MGAT4D: variants seen among roughly 807,000 people sequenced by gnomAD.
MGAT4D encodes the protein MGAT4 family member D, also known as alpha-1,3-mannosyl-glycoprotein 4-beta-N-acetylglucosaminyltransferase-like protein MGAT4D.
A neutral mutation model predicts 15.9 loss-of-function variants in MGAT4D; 34 were observed. That is an observed-to-expected ratio of 2.14 (90% CI 1.62 to 2.84). The LOEUF is 2.84. MGAT4D is among the 30% of genes most tolerant of loss of function. The pLI is 0.00. For missense variants in MGAT4D, 327 were observed against 140.2 expected, an observed-to-expected ratio of 2.33 and a Z score of -6.73; for synonymous variants, 112 against 48.2, an observed-to-expected ratio of 2.33 and a Z score of -5.49.
At chr4:140,466,261 A>G (rs529660224) in intron 5 of MGAT4D, among the ~76,000 whole-genome samples, 34 of 152,222 alleles carry the variant, frequency 2.2e-4, no homozygotes, top group Non-Finnish European at 4.4e-4. Context: ...AGATGCAACA[A>G]AGGGAACTTA....
At position 140,459,590 on chromosome 4, in the gene MGAT4D, T is replaced by A; in HGVS notation, c.799A>T (p.Thr267Ser). The A allele has an allele frequency of 1.9e-6, 1 of 530,258 alleles. No individual in the cohort carries two copies. The highest frequency in any genetic ancestry group is 2.7e-4 in the Middle Eastern group (1 of 3,666). The allele number at this position is 530,258 out of a possible 1,614,324, so 32.8% of individuals were successfully genotyped here. ...TTACCTACAAAATCTGTTATTTTTG[T>A]AAAGTACATCTCTTTAGCTATGATA... The part of the protein sequence containing the change: ...DDIIAKEMYF[T>S]KITDFVGNIS... Residue 267 changes from threonine (T) to serine (S), a missense_variant, in exon 8 of 11, where the codon ACA becomes TCA. Thr to Ser is a moderately conservative substitution (Grantham distance 58, BLOSUM62 1). Transcript: ENST00000511113.
chr4:140,477,130 G>C (rs1270751065), intron 3 of MGAT4D, among the ~76,000 whole-genome samples: 1 of 152,062 alleles, frequency 6.6e-6, no homozygotes, highest in Non-Finnish European at 1.5e-5. Context: ...TCTGACTTTT[G>C]CATGTTTCTT....
In MGAT4D at chr4:140,482,469, GTTAA is replaced by G. The variant is rs1199437516; in HGVS notation, c.107_110del (p.Ile36ThrfsTer16). 7.9e-6 allele frequency: 5 copies of G among 629,630 alleles called. No homozygotes were observed. Among genetic ancestry groups the G allele is most frequent in the African/African-American group, 5.7e-5 (3 of 52,732 alleles). The allele number at this position is 629,630 out of a possible 1,614,324, so 39.0% of individuals were successfully genotyped here. A position where few individuals can be genotyped will look rare whatever the true frequency, so the allele number is the denominator to read the frequency against. On this transcript the variant is annotated frameshift_variant, in exon 2 of 11. Transcript: ENST00000511113. LOFTEE classifies it high-confidence loss of function. ...TAAACTCCAAAATATGGTTTCTACA[GTTAA>G]TTAATTGATTATCTGCAATGAAAAC...
chr4:140,482,518 T>A, intron 1 of MGAT4D, 33 bp from the exon 2 acceptor site: 2 of 583,950 alleles, frequency 3.4e-6, no homozygotes, highest in South Asian at 2.2e-5. Context: ...TATTTGTACA[T>A]GTAGCAATGG....
intron 6 of MGAT4D, 87 bp from the exon 7 acceptor site, chr4:140,462,091 C>T: frequency 1.6e-6 from 1 of 630,342 alleles, no homozygotes; most frequent in South Asian, 1.9e-5. Flanking sequence ...AACTCTTTGG[C>T]AGTTTACTAA....
At chr4:140,481,731 A>G (rs1732746787) in intron 2 of MGAT4D, among the ~76,000 whole-genome samples, 1 of 152,216 alleles carries the variant, frequency 6.6e-6, no homozygotes, top group Non-Finnish European at 1.5e-5. Flanking sequence ...TTGCATTTGC[A>G]TGGCTTCTGG....
At chr4:140,498,049 C>T (rs983648152) in intron 1 of MGAT4D, 80 bp downstream of exon 1, 7 of 637,910 alleles carry the variant, frequency 1.1e-5, no homozygotes, top group Non-Finnish European at 1.7e-5. Context: ...CCGCACCCGC[C>T]GACCCTGCCC....
chr4:140,483,709 C>T (rs1256486407), intron 1 of MGAT4D, among the ~76,000 whole-genome samples: 3 of 152,140 alleles, frequency 2.0e-5, no homozygotes. Flanking sequence ...GAAATTCACG[C>T]ATTTACAGTA....
chr4:140,463,022 G>C (rs955449610), intron 6 of MGAT4D, among the ~76,000 whole-genome samples: 2 of 152,242 alleles, frequency 1.3e-5, no homozygotes, highest in East Asian at 1.9e-4. Context: ...AAAGTGTAAG[G>C]GGGGAAAAGT....
At chr4:140,446,632 C>G (rs1055795235) in intron 10 of MGAT4D, among the ~76,000 whole-genome samples, 2 of 150,900 alleles carry the variant, frequency 1.3e-5, no homozygotes, top group Non-Finnish European at 2.9e-5. Context: ...CTCCTGGATT[C>G]ATTGATCTTT....
At chr4:140,445,040 C>A (rs891047760) in intron 10 of MGAT4D, among the ~76,000 whole-genome samples, 1 of 135,806 alleles carries the variant, frequency 7.4e-6, no homozygotes, top group African/African-American at 2.6e-5. Flanking sequence ...TGCCACCACG[C>A]CCAGCTAATG....
intron 1 of MGAT4D, among the ~76,000 whole-genome samples, chr4:140,491,703 C>T (rs1733513141): frequency 6.6e-6 from 1 of 151,700 alleles, no homozygotes; most frequent in Non-Finnish European, 1.5e-5. Flanking sequence ...GATGGATATC[C>T]CTTAAGGGAA....
chr4:140,452,966 G>A (rs1560765726), intron 9 of MGAT4D, among the ~76,000 whole-genome samples: 1 of 152,132 alleles, frequency 6.6e-6, no homozygotes, highest in East Asian at 1.9e-4. Flanking sequence ...ATGGTTGAGA[G>A]ATATGGCACC....
intron 9 of MGAT4D, 46 bp from the exon 10 acceptor site, chr4:140,451,563 C>G: frequency 2.0e-6 from 1 of 489,708 alleles, no homozygotes; most frequent in Non-Finnish European, 3.7e-6. Context: ...CCAGGTATTG[C>G]TTTGTATTGC....
chr4:140,478,657 G>T (rs886845618), intron 3 of MGAT4D, among the ~76,000 whole-genome samples: 1 of 152,062 alleles, frequency 6.6e-6, no homozygotes, highest in Admixed American at 6.6e-5. Flanking sequence ...ATAGAACTCA[G>T]TAAGTGGAAC....
chr4:140,453,413 A>ATT (rs1730596142), intron 9 of MGAT4D, among the ~76,000 whole-genome samples: 1 of 151,944 alleles, frequency 6.6e-6, no homozygotes. Context: ...TGTTCTTTTT[A>ATT]TTAGCATTTT....
chr4:140,449,835 T>A (rs1001523685), intron 10 of MGAT4D: 32 of 169,202 alleles, frequency 1.9e-4, no homozygotes, highest in Admixed American at 2.5e-4. Context: ...AAAAGTTTTT[T>A]AAAAAGACTT....
chr4:140,480,050 G>A (rs1732594316), intron 2 of MGAT4D, among the ~76,000 whole-genome samples: 1 of 152,084 alleles, frequency 6.6e-6, no homozygotes, highest in South Asian at 2.1e-4. Context: ...CTACAATTTT[G>A]AAAAAGAAAA....
chr4:140,492,916 T>C (rs1733598572), intron 1 of MGAT4D, among the ~76,000 whole-genome samples: 2 of 152,174 alleles, frequency 1.3e-5, no homozygotes, highest in African/African-American at 4.8e-5. Flanking sequence ...ATAGAACACA[T>C]ATGAGGAGTT....
Sources: allele counts gnomAD v4.1 joint callset (sites outside exome capture counted in the v4.1 genomes callset), GRCh38; gene constraint gnomAD v4.1.1; transcripts MANE v1.5; gene names NCBI Gene and HGNC (gene_info 2026-07-23, HGNC 2026-07-21).